The following MED12L variants were observed in gnomAD, a reference collection of about 807,000 sequenced individuals.
MED12L encodes mediator complex subunit 12L, also known as mediator of RNA polymerase II transcription subunit 12-like protein.
MED12L carries 60 observed loss-of-function variants against 281.3 expected under a neutral mutation model. The observed-to-expected ratio is 0.21, with a 90% CI of 0.17 to 0.26. MED12L has a LOEUF of 0.26. Among genes scored for constraint, MED12L ranks in the 10% least tolerant of loss-of-function variants. The pLI is 1.00. For missense variants in MED12L, 2,146 were observed against 2,680.9 expected, an observed-to-expected ratio of 0.80 and a Z score of 4.41; for synonymous variants, 974 against 987.2, an observed-to-expected ratio of 0.99 and a Z score of 0.25.
intron 11 of MED12L, among the ~76,000 whole-genome samples, chr3:151,166,314 A>C (rs991423846): frequency 4.6e-5 from 7 of 152,120 alleles, no homozygotes; most frequent in African/African-American, 1.7e-4. Context: ...ACTTGGGGGA[A>C]TGTATGTTAA....
chr3:151,090,415 A>G (rs906027979), intron 2 of MED12L, among the ~76,000 whole-genome samples: 3 of 152,098 alleles, frequency 2.0e-5, no homozygotes, highest in East Asian at 3.9e-4. Context: ...ATCATTTACA[A>G]TTATATACTT....
intron 22 of MED12L, 25 bp downstream of exon 22, chr3:151,365,231 A>G (rs746751799): frequency 1.3e-6 from 2 of 1,580,406 alleles, no homozygotes; most frequent in Non-Finnish European, 1.7e-6. Context: ...CCTGGAATTC[A>G]TGATTAACCA....
At chr3:151,294,210 T>G in intron 16 of MED12L, 1 of 1,612,162 alleles carries the variant, frequency 6.2e-7, no homozygotes, top group Non-Finnish European at 8.5e-7. Flanking sequence ...ACTTCCGATC[T>G]TCTCACACTT....
At chr3:151,091,686 C>T (rs766819533) in intron 2 of MED12L, among the ~76,000 whole-genome samples, 5 of 152,216 alleles carry the variant, frequency 3.3e-5, no homozygotes, top group South Asian at 2.1e-4. Flanking sequence ...TCTCAGTCCC[C>T]CTCCAGTGGC....
At chr3:151,394,963 A>T in intron 39 of MED12L, 96 bp downstream of exon 39, 1 of 1,477,824 alleles carries the variant, frequency 6.8e-7, no homozygotes, top group East Asian at 2.3e-5. Context: ...TTCTGTATGC[A>T]TATCCCTGTA....
chr3:151,411,366 C>G lies in MED12L; in HGVS notation c.5999C>G (p.Pro2000Arg). 1 of 1,614,158 alleles carries G rather than the reference C, an allele frequency of 6.2e-7. No homozygotes were observed. Among genetic ancestry groups the G allele is most frequent in the South Asian group, 1.1e-5 (1 of 91,086 alleles). Reference protein sequence around the residue: ...QQQAGSVVLSPSYNSRAYPAA... With the variant: ...QQQAGSVVLSRSYNSRAYPAA... Reference sequence around the variant, plus strand: ...CAGGCTGGCAGTGTGGTCCTGTCTCCCAGCTATAACTCCAGAGCCTATCCG... The same window carrying G: ...CAGGCTGGCAGTGTGGTCCTGTCTCGCAGCTATAACTCCAGAGCCTATCCG... Residue 2000 changes from proline to arginine, a missense_variant, in exon 41 of 45, where the codon CCC becomes CGC. By Grantham distance (103) the Pro-to-Arg change is moderately radical. This residue lies in a region of MED12L where 496 missense variants were observed against 512.0 expected (regional missense o/e 0.97). Transcript: ENST00000687756.
At chr3:151,132,688 A>T (rs971969686) in intron 5 of MED12L, among the ~76,000 whole-genome samples, 1 of 152,134 alleles carries the variant, frequency 6.6e-6, no homozygotes, top group African/African-American at 2.4e-5. Flanking sequence ...CTATATTCTT[A>T]TATGTATTTT....
chr3:151,392,803 A>G (rs1453866071), intron 38 of MED12L, among the ~76,000 whole-genome samples: 6 of 152,206 alleles, frequency 3.9e-5, no homozygotes, highest in Non-Finnish European at 5.9e-5. Flanking sequence ...TAGGTGTACA[A>G]AGGGCTTCAG....
At chr3:151,086,009 C>G (rs1038431991) in intron 1 of MED12L, 73 bp downstream of exon 1, 3 of 152,460 alleles carry the variant, frequency 2.0e-5, no homozygotes, top group Non-Finnish European at 4.4e-5. Context: ...CTGGAGGAGC[C>G]CGAGACGCCT....
At chr3:151,132,338 C>A (rs1417891983) in intron 5 of MED12L, among the ~76,000 whole-genome samples, 1 of 152,124 alleles carries the variant, frequency 6.6e-6, no homozygotes, top group Non-Finnish European at 1.5e-5. Context: ...GTCTGTGTTG[C>A]CTTTGTCATG....
At position 151,376,040 on chromosome 3, in the gene MED12L, G is replaced by T; in HGVS notation, c.3879G>T (p.Glu1293Asp). The T allele has an allele frequency of 6.3e-7, 1 of 1,585,704 alleles. No homozygotes were observed. The highest frequency in any genetic ancestry group is 8.6e-7 in the Non-Finnish European group (1 of 1,168,222). The stretch of plus-strand genomic sequence containing the variant: ...ATTATTTTTAGGAATGGGTAGGAGA[G>T]CATTGCTTAAAAGAACCTGAAAGAT... Reference protein sequence around the residue: ...RTICQQEWVGEHCLKEPERLC... With the variant: ...RTICQQEWVGDHCLKEPERLC... The change falls in exon 28 of 45, where the codon GAG becomes GAT. Residue 1293 changes from glutamate (E) to aspartate (D), a missense_variant. By Grantham distance (45) the Glu-to-Asp change is conservative. Around this residue, in one of 9 missense-constraint regions of MED12L, gnomAD observed 235 missense variants for 260.3 expected, o/e 0.90. Coordinates refer to ENST00000687756, the MANE Select transcript of MED12L (RefSeq NM_001393769.1).
intron 16 of MED12L, among the ~76,000 whole-genome samples, chr3:151,241,228 A>C (rs941446446): frequency 6.6e-6 from 1 of 152,208 alleles, no homozygotes; most frequent in Admixed American, 6.5e-5. Flanking sequence ...TGAGTGATCA[A>C]ATTGTTGATA....
intron 16 of MED12L, among the ~76,000 whole-genome samples, chr3:151,321,826 C>T (rs1024619945): frequency 5.3e-5 from 8 of 152,120 alleles, no homozygotes; most frequent in Non-Finnish European, 1.2e-4. Flanking sequence ...TCACTCCCCC[C>T]AATTGTCTCA....
intron 20 of MED12L, 148 bp from the exon 21 acceptor site, chr3:151,360,326 G>A: frequency 1.5e-6 from 1 of 661,852 alleles, no homozygotes; most frequent in Non-Finnish European, 2.5e-6. Context: ...ATATTGTACT[G>A]AGTTATTTAC....
intron 16 of MED12L, among the ~76,000 whole-genome samples, chr3:151,332,522 A>G (rs1333848598): frequency 6.6e-6 from 1 of 152,240 alleles, no homozygotes; most frequent in African/African-American, 2.4e-5. Context: ...ACAATAGTAG[A>G]AAATATCTAC....
chr3:151,200,010 C>T (rs746467839), intron 16 of MED12L, among the ~76,000 whole-genome samples: 5 of 152,038 alleles, frequency 3.3e-5, no homozygotes, highest in African/African-American at 4.8e-5. Context: ...CCACAACTAC[C>T]AGAACATGGA....
intron 5 of MED12L, among the ~76,000 whole-genome samples, chr3:151,140,418 C>G (rs548751270): frequency 1.8e-4 from 28 of 152,296 alleles, no homozygotes; most frequent in African/African-American, 6.7e-4. Flanking sequence ...CCTCCACCAG[C>G]CTCTGGCTAC....
chr3:151,207,031 T>C (rs1268813276), intron 16 of MED12L, among the ~76,000 whole-genome samples: 1 of 151,576 alleles, frequency 6.6e-6, no homozygotes, highest in African/African-American at 2.4e-5. Flanking sequence ...AACATCTCCC[T>C]TTTCCTAGCC....
At chr3:151,180,939 T>C (rs1162139908) in intron 11 of MED12L, among the ~76,000 whole-genome samples, 1 of 152,222 alleles carries the variant, frequency 6.6e-6, no homozygotes, top group Non-Finnish European at 1.5e-5. Flanking sequence ...ATCGACCAGT[T>C]TCTCTAGTAA....
Sources: allele counts gnomAD v4.1 joint callset (sites outside exome capture counted in the v4.1 genomes callset), GRCh38; gene constraint gnomAD v4.1.1; regional missense constraint gnomAD v4.1.1; transcripts MANE v1.5; gene names NCBI Gene and HGNC (gene_info 2026-07-23, HGNC 2026-07-21).